SLC39A11: variants seen among roughly 807,000 people sequenced by gnomAD.
The protein encoded by SLC39A11 is solute carrier family 39 member 11.
SLC39A11 carries 33 observed loss-of-function variants against 36.1 expected under a neutral mutation model. That is an observed-to-expected ratio of 0.91 (90% confidence interval 0.69 to 1.22). SLC39A11 has a LOEUF of 1.22. Ranked by LOEUF, SLC39A11 falls within the 50% of genes most tolerant of loss-of-function variation. The pLI, the probability that SLC39A11 is intolerant of heterozygous loss-of-function variation, is 0.00. For synonymous variants in SLC39A11, 166 were observed against 170.3 expected, an observed-to-expected ratio of 0.97 and a Z score of 0.20; for missense variants, 432 against 430.3, an observed-to-expected ratio of 1.00 and a Z score of -0.03.
chr17:72,860,554 C>G (rs1425536755), intron 5 of SLC39A11, among the ~76,000 whole-genome samples: 8 of 152,132 alleles, frequency 5.3e-5, no homozygotes, highest in Non-Finnish European at 7.3e-5. Context: ...TGGGGACAAC[C>G]TAAGTTGCTG....
At chr17:72,781,661 T>C (rs762747117) in intron 6 of SLC39A11, among the ~76,000 whole-genome samples, 4 of 152,174 alleles carry the variant, frequency 2.6e-5, no homozygotes, top group African/African-American at 7.2e-5. Flanking sequence ...CCTCATGTTC[T>C]GCTCACCTTG....
chr17:72,874,464 C>G (rs948215922), intron 5 of SLC39A11, among the ~76,000 whole-genome samples: 6 of 152,160 alleles, frequency 3.9e-5, no homozygotes, highest in Non-Finnish European at 8.8e-5. Flanking sequence ...CGTCCATCTG[C>G]AAGGCTGTCG....
chr17:72,911,849 G>A (rs2083021900), intron 5 of SLC39A11, among the ~76,000 whole-genome samples: 1 of 152,162 alleles, frequency 6.6e-6, no homozygotes, highest in African/African-American at 2.4e-5. Context: ...TCACCATGTT[G>A]GCCAGGCTGG....
Position 72,646,253 on chromosome 17 carries a change from C to T in SLC39A11, c.*1331G>A, listed in dbSNP as rs1372075708. 2 of 152,662 alleles carry T rather than the reference C, an allele frequency of 1.3e-5. No homozygotes were observed. The highest frequency in any genetic ancestry group is 4.8e-5 in the African/African-American group (2 of 41,454). 9.5% of individuals were successfully genotyped at this position (152,662 alleles called of 1,614,324 possible). ...AATGTGTAAACTCTGAGAGCAGACA[C>T]TGACAATGCAATGCCTGCATACCTG... On this transcript the variant is annotated 3_prime_UTR_variant, in exon 10 of 10. Coordinates refer to ENST00000255559, the MANE Select transcript of SLC39A11 (RefSeq NM_139177.4).
chr17:72,722,516 G>A (rs1033383939), intron 7 of SLC39A11, among the ~76,000 whole-genome samples: 10 of 152,110 alleles, frequency 6.6e-5, no homozygotes, highest in Non-Finnish European at 1.3e-4. Flanking sequence ...GGGTGGGGTG[G>A]GGGAGGGAAA....
chr17:72,972,773 G>A (rs2087550861), intron 4 of SLC39A11, among the ~76,000 whole-genome samples: 1 of 152,168 alleles, frequency 6.6e-6, no homozygotes, highest in Non-Finnish European at 1.5e-5. Flanking sequence ...TTTAGAAACA[G>A]GATATTGCTC....
chr17:72,707,825 C>G (rs1221209368), intron 7 of SLC39A11, among the ~76,000 whole-genome samples: 1 of 152,234 alleles, frequency 6.6e-6, no homozygotes, highest in Non-Finnish European at 1.5e-5. Context: ...GCCTTGAAGC[C>G]TCTTTTTATC....
At chr17:72,972,665 C>G (rs1008321119) in intron 4 of SLC39A11, among the ~76,000 whole-genome samples, 2 of 152,194 alleles carry the variant, frequency 1.3e-5, no homozygotes, top group South Asian at 2.1e-4. Context: ...TTGTTCTTCT[C>G]TATTTGCCAA....
At chr17:73,088,049 A>G (rs955135137) in intron 2 of SLC39A11, among the ~76,000 whole-genome samples, 9 of 152,186 alleles carry the variant, frequency 5.9e-5, no homozygotes, top group African/African-American at 2.2e-4. Flanking sequence ...TCACACCTGC[A>G]ATCCCAGCAC....
chr17:72,991,197 G>T (rs1322000084), intron 4 of SLC39A11, among the ~76,000 whole-genome samples: 2 of 151,986 alleles, frequency 1.3e-5, no homozygotes, highest in African/African-American at 4.8e-5. Context: ...AATTCCATGG[G>T]TATGCTTTAT....
chr17:72,740,192 G>A (rs1329340223), intron 6 of SLC39A11, among the ~76,000 whole-genome samples: 1 of 149,002 alleles, frequency 6.7e-6, no homozygotes, highest in Non-Finnish European at 1.5e-5. Context: ...CCTCCCGAGT[G>A]GCTGGGACTA....
intron 4 of SLC39A11, 121 bp from the exon 5 acceptor site, chr17:72,947,996 A>G (rs2085544512): frequency 1.5e-6 from 2 of 1,308,506 alleles, no homozygotes; most frequent in East Asian, 4.7e-5. Flanking sequence ...CAGCTGAGCC[A>G]GTCCTCCGGC....
intron 7 of SLC39A11, among the ~76,000 whole-genome samples, chr17:72,718,264 G>A (rs991248163): frequency 3.3e-5 from 5 of 152,080 alleles, no homozygotes; most frequent in African/African-American, 9.6e-5. Context: ...GTGAAACCCC[G>A]CCTCTACTAA....
rs201030076 is a variant in SLC39A11, at chr17:72,937,420, A to C, written c.430+10332T>G. Among the ~76,000 whole-genome samples, 9 of 152,292 alleles carry C rather than the reference A, an allele frequency of 5.9e-5. No homozygotes were observed. In the East Asian group the frequency reaches 1.7e-3, roughly 29 times the overall value. On this transcript the variant is annotated intron_variant, in intron 5 of 9. Coordinates refer to ENST00000255559, the MANE Select transcript of SLC39A11 (RefSeq NM_139177.4). ...CAGTGAGCCGAGATTGCGCCACTGC[A>C]CTTCAGTCTGGGCAACAGAGAGAGA...
At chr17:72,800,494 A>G (rs2077049130) in intron 6 of SLC39A11, among the ~76,000 whole-genome samples, 1 of 151,928 alleles carries the variant, frequency 6.6e-6, no homozygotes, top group African/African-American at 2.4e-5. Context: ...TATTTTTAGT[A>G]GAGACGGGGT....
At chr17:73,089,943 G>A (rs1053544928) in intron 1 of SLC39A11, among the ~76,000 whole-genome samples, 4 of 152,206 alleles carry the variant, frequency 2.6e-5, no homozygotes, top group African/African-American at 7.2e-5. Flanking sequence ...AAAGTTACAA[G>A]GCAGAGAAAC....
At chr17:72,659,634 G>A (rs1399148835) in intron 7 of SLC39A11, among the ~76,000 whole-genome samples, 2 of 124,498 alleles carry the variant, frequency 1.6e-5, no homozygotes, top group East Asian at 5.3e-4. Context: ...CCAGGCTGAA[G>A]TGCAGTGGCG....
chr17:73,042,836 C>A (rs1456618153), intron 3 of SLC39A11, among the ~76,000 whole-genome samples: 1 of 152,068 alleles, frequency 6.6e-6, no homozygotes, highest in Non-Finnish European at 1.5e-5. Flanking sequence ...GAAGAATTAC[C>A]CAGAAAGTAC....
intron 5 of SLC39A11, among the ~76,000 whole-genome samples, chr17:72,903,689 G>A (rs1293757979): frequency 2.6e-5 from 4 of 152,208 alleles, no homozygotes; most frequent in African/African-American, 4.8e-5. Context: ...GAGGTGGAGA[G>A]AGAAGATAAT....
Sources: gnomAD v4.1 joint callset for allele counts (sites outside exome capture counted in the v4.1 genomes callset) on GRCh38, gnomAD v4.1.1 for gene constraint, MANE v1.5 for transcripts, NCBI Gene and HGNC (gene_info 2026-07-23, HGNC 2026-07-21) for gene names.